Variants in TAFA2 observed in about 807,000 individuals in gnomAD.
TAFA2 encodes the protein chemokine-like protein TAFA-2.
A neutral mutation model predicts 18.8 loss-of-function variants in TAFA2; 7 were observed. The ratio of observed to expected loss-of-function variants is 0.37; its 90% CI spans 0.21 to 0.70. The LOEUF (loss-of-function observed/expected upper bound fraction) is 0.70, where lower values mean the gene tolerates loss of function less well. TAFA2 is among the 30% of genes least tolerant of loss of function. The pLI is 0.53. For synonymous variants in TAFA2, 60 were observed against 54.2 expected (o/e 1.11, Z -0.47); for missense variants, 122 against 158.1 (o/e 0.77, Z 1.23).
intron 2 of TAFA2, among the ~76,000 whole-genome samples, chr12:61,851,298 A>G (rs138811356): frequency 5.3e-5 from 8 of 152,282 alleles, no homozygotes; most frequent in African/African-American, 1.9e-4. Context: ...CTGAAGTTAG[A>G]TGGACAAATA....
chr12:61,916,591 C>T (rs7979530), intron 1 of TAFA2, among the ~76,000 whole-genome samples: 4,475 of 152,208 alleles, frequency 0.029, 239 homozygotes, highest in African/African-American at 0.1. Flanking sequence ...TTGCCTGTTA[C>T]GATTTTTCAC....
At chr12:61,967,587 A>G (rs937138818) in intron 1 of TAFA2, among the ~76,000 whole-genome samples, 4 of 151,840 alleles carry the variant, frequency 2.6e-5, no homozygotes, top group African/African-American at 9.7e-5. Flanking sequence ...CATTCAATCT[A>G]TAATAATGCA....
In TAFA2 at chr12:61,808,653, AG is replaced by A. The variant is rs1211578010; in HGVS notation, c.107-53630del. Among the ~76,000 whole-genome samples, 3 of 151,424 alleles carry A rather than the reference AG, an allele frequency of 2.0e-5. 1 individual carries two copies. Among genetic ancestry groups the A allele is most frequent in the African/African-American group, 7.4e-5 (3 of 40,700 alleles). On this transcript the variant is annotated intron_variant, in intron 2 of 4. Transcript: ENST00000416284. ...GGGTCCATGTTTTTAAAAGCCTTTA[AG>A]TTTAGACAGAAAAGCTTAGCTTTTC...
intron 1 of TAFA2, among the ~76,000 whole-genome samples, chr12:61,936,250 G>A (rs1222021374): frequency 6.6e-6 from 1 of 152,116 alleles, no homozygotes; most frequent in Non-Finnish European, 1.5e-5. Context: ...CTCAATAGAT[G>A]CAGAAAAAGC....
intron 1 of TAFA2, among the ~76,000 whole-genome samples, chr12:62,256,523 C>T (rs573660115): frequency 3.3e-5 from 5 of 152,186 alleles, no homozygotes; most frequent in South Asian, 2.1e-4. Context: ...TTTCAGCCTC[C>T]GAAATCTAAT....
chr12:61,716,664 A>G (rs373548927), intron 4 of TAFA2, among the ~76,000 whole-genome samples: 2 of 152,196 alleles, frequency 1.3e-5, no homozygotes, highest in Non-Finnish European at 2.9e-5. Flanking sequence ...TAGAAGTGAA[A>G]ATGCATTATG....
chr12:61,939,346 TTAA>T (rs1877901035), intron 1 of TAFA2, among the ~76,000 whole-genome samples: 2 of 152,218 alleles, frequency 1.3e-5, no homozygotes, highest in Non-Finnish European at 2.9e-5. Flanking sequence ...TCTTTTGAAA[TTAA>T]TGACATTATT....
intron 1 of TAFA2, among the ~76,000 whole-genome samples, chr12:62,001,647 C>T (rs115727698): frequency 0.011 from 1,712 of 152,102 alleles, 38 homozygotes; most frequent in East Asian, 0.05. Context: ...CAATGGGGAG[C>T]GGCTGAAAAT....
chr12:62,226,388 G>A (rs1337442121), intron 1 of TAFA2, among the ~76,000 whole-genome samples: 2 of 151,872 alleles, frequency 1.3e-5, no homozygotes, highest in Non-Finnish European at 2.9e-5. Context: ...TAGTAGAGAC[G>A]GAGTTTCACT....
At chr12:62,238,594 C>T (rs1271178541) in intron 1 of TAFA2, among the ~76,000 whole-genome samples, 1 of 152,154 alleles carries the variant, frequency 6.6e-6, no homozygotes, top group African/African-American at 2.4e-5. Flanking sequence ...ATTTTGATTC[C>T]ACAATCCAAA....
At chr12:62,213,208 A>G (rs1049014612) in intron 1 of TAFA2, among the ~76,000 whole-genome samples, 2 of 152,212 alleles carry the variant, frequency 1.3e-5, no homozygotes, top group African/African-American at 4.8e-5. Context: ...AGAAGGATGA[A>G]TGGAATAGTG....
intron 2 of TAFA2, among the ~76,000 whole-genome samples, chr12:61,806,765 T>C (rs757921137): frequency 2.0e-5 from 3 of 152,182 alleles, no homozygotes; most frequent in Non-Finnish European, 2.9e-5. Flanking sequence ...GCAAAGGTGA[T>C]GCTTGTTATG....
chr12:61,923,717 C>G (rs964477952), intron 1 of TAFA2, among the ~76,000 whole-genome samples: 6 of 151,868 alleles, frequency 4.0e-5, no homozygotes, highest in African/African-American at 1.5e-4. Flanking sequence ...AGAAAGGGAA[C>G]AAAACTGGAT....
intron 1 of TAFA2, among the ~76,000 whole-genome samples, chr12:61,905,343 G>A (rs1876299992): frequency 6.6e-6 from 1 of 152,054 alleles, no homozygotes; most frequent in Non-Finnish European, 1.5e-5. Context: ...CCAGTAAATT[G>A]TCAGTTCTTT....
At chr12:61,887,058 A>G (rs1046552572) in intron 1 of TAFA2, among the ~76,000 whole-genome samples, 1 of 152,270 alleles carries the variant, frequency 6.6e-6, no homozygotes, top group African/African-American at 2.4e-5. Context: ...GGACCTGCTC[A>G]TAATAAATGC....
intron 1 of TAFA2, among the ~76,000 whole-genome samples, chr12:61,931,810 A>ATAGTTCT (rs1877566886): frequency 6.6e-6 from 1 of 152,208 alleles, no homozygotes; most frequent in Non-Finnish European, 1.5e-5. Context: ...CTGGAACACA[A>ATAGTTCT]AAAGTAATAT....
intron 1 of TAFA2, among the ~76,000 whole-genome samples, chr12:62,169,446 T>C (rs2062461756): frequency 6.6e-6 from 1 of 152,238 alleles, no homozygotes; most frequent in Non-Finnish European, 1.5e-5. Context: ...CAGGGTTTTC[T>C]GTGCCTTAAA....
At position 62,229,865 on chromosome 12, in the gene TAFA2, GT is replaced by G. The variant is rs553859837; in HGVS notation, c.-130+28897del. Among the ~76,000 whole-genome samples the G allele has an allele frequency of 3.3e-3, 497 of 151,850 alleles. 2 individuals carry two copies. The highest frequency in any genetic ancestry group is 5.9e-3 in the Admixed American group (90 of 15,270). ...CTGGATTTTTGTTGTTGTTGTTGTT[GT>G]TGTTGTTGGGAGACTTTTAAATTAT... is the stretch of plus-strand genomic sequence containing the variant. On this transcript the variant is annotated intron_variant, in intron 1 of 5. Coordinates refer to the TAFA2 transcript ENST00000551619.
In TAFA2 at chr12:61,737,911, T is replaced by C. The variant is rs571477758; in HGVS notation, c.384+15711A>G. On this transcript the variant is annotated intron_variant, in intron 4 of 4. Transcript: ENST00000416284. ...AAAGCTTGCTCTATTTTTGAGATTA[T>C]ACTAGAGTCAAGACAAATTATAAAG... Among the ~76,000 whole-genome samples the C allele has an allele frequency of 2.6e-5, 4 of 152,112 alleles. No individual in the cohort carries two copies. The South Asian group carries it at 6.2e-4, about 24-fold the overall frequency.
Sources: gnomAD v4.1 joint callset for allele counts (sites outside exome capture counted in the v4.1 genomes callset) on GRCh38, gnomAD v4.1.1 for gene constraint, MANE v1.5 for transcripts, NCBI Gene and HGNC (gene_info 2026-07-23, HGNC 2026-07-21) for gene names.